Variants in TLE1 observed in about 807,000 individuals in gnomAD.
The protein encoded by TLE1 is transducin-like enhancer protein 1.
TLE1 carries 21 observed loss-of-function variants against 89.8 expected under a neutral mutation model. That is an observed-to-expected ratio of 0.23 (90% CI 0.17 to 0.34). The LOEUF (loss-of-function observed/expected upper bound fraction) is 0.34, where lower values mean the gene tolerates loss of function less well. Among genes scored for constraint, TLE1 ranks in the 10% least tolerant of loss-of-function variants. The pLI is 1.00. For missense variants in TLE1, 795 were observed against 1,031.2 expected (o/e 0.77, Z 3.14); for synonymous variants, 447 against 407.6 (o/e 1.10, Z -1.16).
At chr9:81,598,413 G>A (rs963653716) in intron 14 of TLE1, among the ~76,000 whole-genome samples, 9 of 152,046 alleles carry the variant, frequency 5.9e-5, no homozygotes, top group African/African-American at 2.2e-4. Flanking sequence ...CTTTCCCAGG[G>A]TCCTAACCTT....
chr9:81,653,609 T>C (rs1230317662), intron 5 of TLE1, among the ~76,000 whole-genome samples: 1 of 152,226 alleles, frequency 6.6e-6, no homozygotes, highest in African/African-American at 2.4e-5. Flanking sequence ...TAGTAAAGTC[T>C]ACCTTGATGG....
chr9:81,674,673 CAA>C (rs1832664328), intron 4 of TLE1, among the ~76,000 whole-genome samples: 1 of 152,114 alleles, frequency 6.6e-6, no homozygotes. Context: ...GGGGTCAGAA[CAA>C]AGAGAGGAGG....
At chr9:81,614,808 A>G (rs1339860595) in intron 11 of TLE1, among the ~76,000 whole-genome samples, 1 of 151,994 alleles carries the variant, frequency 6.6e-6, no homozygotes, top group Non-Finnish European at 1.5e-5. Flanking sequence ...GACGAGCTCC[A>G]TAATATCGGG....
chr9:81,659,054 A>T (rs900044086), intron 4 of TLE1, among the ~76,000 whole-genome samples: 1 of 151,982 alleles, frequency 6.6e-6, no homozygotes, highest in Non-Finnish European at 1.5e-5. Flanking sequence ...GATGACAGGC[A>T]CGCGCCACCA....
chr9:81,599,874 T>C, intron 14 of TLE1: 1 of 442,690 alleles, frequency 2.3e-6, no homozygotes, highest in East Asian at 3.2e-5. Context: ...CTTTGTTTCC[T>C]TATTTAGAGG....
chr9:81,687,375 C>T lies in TLE1; in HGVS notation c.84G>A (p.Arg28=). The T allele has an allele frequency of 6.2e-7, 1 of 1,610,396 alleles. No homozygotes were observed. The highest frequency in any genetic ancestry group is 8.5e-7 in the Non-Finnish European group (1 of 1,179,298). ...FKFTIPESLD[R]IKEEFQFLQA... ...GCAGGAACTGGAATTCCTCTTTAAT[C>T]CGGTCCAGGGACTCCGGGATAGTGA... Residue 28 remains arginine (R), a synonymous_variant, in exon 2 of 20, where the codon CGG becomes CGA. Coordinates refer to ENST00000376499, the MANE Select transcript of TLE1 (RefSeq NM_005077.5).
chr9:81,619,670 G>C (rs191760509), intron 9 of TLE1, among the ~76,000 whole-genome samples: 14 of 152,272 alleles, frequency 9.2e-5, no homozygotes, highest in South Asian at 2.1e-4. Context: ...CATCCATCCT[G>C]AAACAGACAC....
At chr9:81,682,009 G>A (rs1429756001) in intron 4 of TLE1, among the ~76,000 whole-genome samples, 2 of 152,032 alleles carry the variant, frequency 1.3e-5, no homozygotes, top group Non-Finnish European at 2.9e-5. Flanking sequence ...ACTTTGGGAG[G>A]CCAAGGTGGG....
At chr9:81,658,419 C>G (rs778526127) in intron 4 of TLE1, among the ~76,000 whole-genome samples, 1 of 152,054 alleles carries the variant, frequency 6.6e-6, no homozygotes, top group Non-Finnish European at 1.5e-5. Flanking sequence ...CCTGGAAATT[C>G]TACATAAATG....
intron 8 of TLE1, among the ~76,000 whole-genome samples, chr9:81,628,960 G>A (rs776058253): frequency 1.2e-4 from 18 of 152,120 alleles, no homozygotes; most frequent in Non-Finnish European, 8.8e-5. Flanking sequence ...ATGCCACTGC[G>A]TAGGTCTATA....
At chr9:81,685,546 A>G (rs750900418) in intron 4 of TLE1, 130 bp downstream of exon 4, 1 of 818,198 alleles carries the variant, frequency 1.2e-6, no homozygotes, top group Non-Finnish European at 1.9e-6. Context: ...AATCCACAGG[A>G]CAGGAAACCA....
At chr9:81,662,265 T>C (rs1269368259) in intron 4 of TLE1, among the ~76,000 whole-genome samples, 1 of 152,018 alleles carries the variant, frequency 6.6e-6, no homozygotes, top group Admixed American at 6.6e-5. Context: ...GCATGGCAAG[T>C]AGCCATTAAA....
Position 81,613,374 on chromosome 9 carries a change from T to C in TLE1, c.1063+3A>G. The C allele has an allele frequency of 6.2e-7, 1 of 1,613,800 alleles. No homozygotes were observed. The highest frequency in any genetic ancestry group is 8.5e-7 in the Non-Finnish European group (1 of 1,179,846). On this transcript the variant is annotated splice_donor_region_variant and intron_variant, in intron 12 of 19. Coordinates refer to ENST00000376499, the MANE Select transcript of TLE1 (RefSeq NM_005077.5). ...CAAAGCACAACAAGAGGCGATGCTG[T>C]ACCCGCTTGGTTAACGAGGGGGTCT...
chr9:81,605,567 C>T (rs11139336), intron 14 of TLE1, among the ~76,000 whole-genome samples: 20,741 of 151,942 alleles, frequency 0.14, 1,577 homozygotes, highest in South Asian at 0.18. Context: ...GGCAGTCATA[C>T]GTAGAAAGCT....
At chr9:81,652,106 TACACACACACACACACAC>T (rs3045544) in intron 6 of TLE1, 90 bp downstream of exon 6, 6 of 696,360 alleles carry the variant, frequency 8.6e-6, no homozygotes, top group Admixed American at 2.5e-5. Flanking sequence ...AACGTTAAGA[TACACACACACACACACAC>T]ACACACACAC....
At chr9:81,584,725 T>A (rs531280098) in intron 18 of TLE1, among the ~76,000 whole-genome samples, 2 of 152,170 alleles carry the variant, frequency 1.3e-5, no homozygotes, top group African/African-American at 2.4e-5. Flanking sequence ...CTAAGAGGTA[T>A]CAGCCTCCTT....
chr9:81,632,790 A>C (rs1826843736), intron 8 of TLE1, among the ~76,000 whole-genome samples: 1 of 152,182 alleles, frequency 6.6e-6, no homozygotes, highest in South Asian at 2.1e-4. Context: ...TCTTATGTCT[A>C]AAATAGATAT....
intron 15 of TLE1, 27 bp downstream of exon 15, chr9:81,592,998 C>T (rs766879401): frequency 6.3e-7 from 1 of 1,597,718 alleles, no homozygotes; most frequent in African/African-American, 1.3e-5. Context: ...AGAAATTGCC[C>T]TTGTGCACCA....
Position 81,593,154 on chromosome 9 carries a change from C to G in TLE1, c.1452G>C (p.Gly484=), listed in dbSNP as rs1487618553. The G allele has an allele frequency of 6.2e-7, 1 of 1,614,152 alleles. No homozygotes were observed. Among genetic ancestry groups the G allele is most frequent in the East Asian group, 2.2e-5 (1 of 44,880 alleles). Residue 484 remains glycine (G), a synonymous_variant, in exon 15 of 20, where the codon GGG becomes GGC. Transcript: ENST00000376499. ...TGATGGTCACAGCGCACACCACCTC[C>G]CCGTGGTTGAGGGTGTTGATCTGGC... ...HARQINTLNH[G]EVVCAVTISN...
Sources: allele counts gnomAD v4.1 joint callset (sites outside exome capture counted in the v4.1 genomes callset), GRCh38; gene constraint gnomAD v4.1.1; transcripts MANE v1.5; gene names NCBI Gene and HGNC (gene_info 2026-07-23, HGNC 2026-07-21).